Variants in EVC2 observed in about 807,000 individuals in gnomAD.
EVC2 encodes the protein limbin.
Under a neutral mutation model 149.3 loss-of-function variants are expected in EVC2, and 148 were observed. The observed-to-expected ratio is 0.99, with a 90% confidence interval of 0.87 to 1.14. The LOEUF is 1.14. Ranked by LOEUF, EVC2 falls within the 50% of genes most tolerant of loss-of-function variation. The pLI, the probability that EVC2 is intolerant of heterozygous loss-of-function variation, is 0.00. For synonymous variants in EVC2, 776 were observed against 649.9 expected (o/e 1.19, Z -2.95); for missense variants, 1,854 against 1,627.3 (o/e 1.14, Z -2.40).
chr4:5,650,061 C>A (rs1362201108), intron 9 of EVC2, among the ~76,000 whole-genome samples: 1 of 152,178 alleles, frequency 6.6e-6, no homozygotes, highest in Non-Finnish European at 1.5e-5. Context: ...CAGCAGTTTG[C>A]ATCTTTCTTC....
chr4:5,686,127 C>CACACACACACACATAT lies in EVC2; in HGVS notation c.707-649_707-648insATATGTGTGTGTGTGT, dbSNP rs71171411. On this transcript the variant is annotated intron_variant, in intron 5 of 21. Transcript: ENST00000344408. The surrounding 1 kb of genome is among the most constrained non-coding windows in gnomAD (Gnocchi z 5.4). The stretch of plus-strand genomic sequence containing the variant: ...ACACACACACACACACACACACACA[C>CACACACACACACATAT]AGAGTAAAGAAAAGAGGAGGAACGC... Among the ~76,000 whole-genome samples, 5,062 of 149,572 alleles carry CACACACACACACATAT rather than the reference C, an allele frequency of 0.034. 250 individuals are homozygous for CACACACACACACATAT. Among genetic ancestry groups the CACACACACACACATAT allele is most frequent in the African/African-American group, 0.1 (4,074 of 40,156 alleles).
At chr4:5,574,327 C>T (rs889325846) in intron 19 of EVC2, among the ~76,000 whole-genome samples, 2 of 152,190 alleles carry the variant, frequency 1.3e-5, no homozygotes, top group African/African-American at 4.8e-5. Flanking sequence ...TGCAGTATCA[C>T]TGATTGATGG....
At chr4:5,597,154 C>A (rs1713507562) in intron 16 of EVC2, among the ~76,000 whole-genome samples, 2 of 152,136 alleles carry the variant, frequency 1.3e-5, no homozygotes, top group Non-Finnish European at 2.9e-5. Flanking sequence ...GGAACTGGTA[C>A]CATTCCTTTC....
At chr4:5,572,764 C>T (rs533427910) in intron 19 of EVC2, among the ~76,000 whole-genome samples, 1 of 152,196 alleles carries the variant, frequency 6.6e-6, no homozygotes, top group Non-Finnish European at 1.5e-5. Flanking sequence ...GCTGGTGACA[C>T]TGGCTTTCTG....
At chr4:5,556,708 A>C (rs1721846354) in intron 21 of EVC2, among the ~76,000 whole-genome samples, 1 of 152,176 alleles carries the variant, frequency 6.6e-6, no homozygotes, top group Non-Finnish European at 1.5e-5. Context: ...AAGAAAAAAA[A>C]GAAAACATGA....
chr4:5,551,773 G>A (rs575953399), intron 21 of EVC2, among the ~76,000 whole-genome samples: 2 of 152,274 alleles, frequency 1.3e-5, no homozygotes, highest in Admixed American at 1.3e-4. Context: ...ACGGTGGGAG[G>A]TAATTGAATC....
intron 7 of EVC2, among the ~76,000 whole-genome samples, chr4:5,676,382 C>T (rs1288330523): frequency 6.6e-6 from 1 of 152,190 alleles, no homozygotes. Context: ...CAATGGAAGC[C>T]TCACATCTTT....
At chr4:5,590,487 T>A (rs1408479665) in intron 16 of EVC2, among the ~76,000 whole-genome samples, 2 of 151,496 alleles carry the variant, frequency 1.3e-5, no homozygotes, top group African/African-American at 4.9e-5. Flanking sequence ...TTAGGTTTTC[T>A]TCCCTGAGCG....
chr4:5,631,040 T>C (rs1042276148), intron 11 of EVC2, among the ~76,000 whole-genome samples: 1 of 152,166 alleles, frequency 6.6e-6, no homozygotes, highest in African/African-American at 2.4e-5. Context: ...ACAGGCCTCC[T>C]AAGAATTTCC....
intron 3 of EVC2, among the ~76,000 whole-genome samples, chr4:5,693,558 G>A (rs778361715): frequency 5.3e-5 from 8 of 152,220 alleles, no homozygotes; most frequent in South Asian, 2.1e-4. Context: ...CAGAGGGAGC[G>A]TGGCCCCACC....
At position 5,614,314 on chromosome 4, in the gene EVC2, C is replaced by T. The variant is rs533410383; in HGVS notation, c.2829+1108G>A. ...TATGATCCATTTCCCCCAACTAGAACGGGCTCGCCTCTACTGGAGAGCAGG... is the reference window on the plus strand; with the variant it reads ...TATGATCCATTTCCCCCAACTAGAATGGGCTCGCCTCTACTGGAGAGCAGG... On this transcript the variant is annotated intron_variant, in intron 16 of 21. Transcript: ENST00000344408. The surrounding 1 kb of genome is among the most constrained non-coding windows in gnomAD (Gnocchi z 4.7). Among the ~76,000 whole-genome samples the T allele has an allele frequency of 1.3e-5, 2 of 152,182 alleles. No individual in the cohort carries two copies. Among genetic ancestry groups the T allele is most frequent in the Non-Finnish European group, 2.9e-5 (2 of 68,032 alleles).
intron 12 of EVC2, 76 bp downstream of exon 12, chr4:5,628,483 A>G (rs1002295160): frequency 1.9e-6 from 3 of 1,562,780 alleles, no homozygotes; most frequent in Admixed American, 3.4e-5. Flanking sequence ...TAAATTACCC[A>G]GTCTGTGGTA....
chr4:5,544,413 A>AC (rs539761997), intron 21 of EVC2, among the ~76,000 whole-genome samples: 1 of 152,082 alleles, frequency 6.6e-6, no homozygotes, highest in Non-Finnish European at 1.5e-5. Context: ...GTCTCATGCT[A>AC]CCCCCCACAC....
At chr4:5,592,994 A>C (rs1031493625) in intron 16 of EVC2, among the ~76,000 whole-genome samples, 3 of 152,164 alleles carry the variant, frequency 2.0e-5, no homozygotes, top group African/African-American at 7.2e-5. Flanking sequence ...GTGAGTTCTC[A>C]TGAGATCTGA....
intron 12 of EVC2, 28 bp downstream of exon 12, chr4:5,628,531 G>T (rs369880384): frequency 6.2e-7 from 1 of 1,612,956 alleles, no homozygotes; most frequent in Non-Finnish European, 8.5e-7. Context: ...AAGACAGTTC[G>T]CACTGTTGGG....
intron 7 of EVC2, among the ~76,000 whole-genome samples, chr4:5,667,709 T>A (rs1200365396): frequency 6.6e-6 from 1 of 151,948 alleles, no homozygotes; most frequent in African/African-American, 2.4e-5. Flanking sequence ...CAGAGAGGGG[T>A]TGTGACAACT....
chr4:5,671,831 G>A (rs1201309520), intron 7 of EVC2, among the ~76,000 whole-genome samples: 1 of 152,170 alleles, frequency 6.6e-6, no homozygotes, highest in Admixed American at 6.5e-5. Context: ...TTTAAGTGCA[G>A]AATTCTTACA....
chr4:5,562,387 T>C, downstream of EVC2: 1 of 932,790 alleles, frequency 1.1e-6, no homozygotes, highest in African/African-American at 1.8e-5. The surrounding 1 kb of genome is among the most constrained non-coding windows in gnomAD (Gnocchi z 4.3). Context: ...AAGACGTAAT[T>C]TCAAATAAAT....
chr4:5,618,552 G>T lies in EVC2; in HGVS notation c.2632C>A (p.Gln878Lys). ...TCTCGCCACGCAGTCTGAAATTGCT[G>T]CAGCAGAACTCGGGCCCGGATCTTG... The part of the protein sequence containing the change: ...LPKIRARVLL[Q>K]QFQTAWREAE... The change falls in exon 15 of 22, where the codon CAG becomes AAG. Residue 878 changes from glutamine to lysine, a missense_variant. Transcript: ENST00000344408. The surrounding 1 kb of genome is among the most constrained non-coding windows in gnomAD (Gnocchi z 4.4). The T allele has an allele frequency of 6.2e-7, 1 of 1,614,186 alleles. No homozygotes were observed. Among genetic ancestry groups the T allele is most frequent in the Non-Finnish European group, 8.5e-7 (1 of 1,180,038 alleles).
Sources: allele counts gnomAD v4.1 joint callset (sites outside exome capture counted in the v4.1 genomes callset), GRCh38; gene constraint gnomAD v4.1.1; non-coding constraint Gnocchi (gnomAD v3.1); transcripts MANE v1.5; gene names NCBI Gene and HGNC (gene_info 2026-07-23, HGNC 2026-07-21).